Variants in NRG3 observed in about 807,000 individuals in gnomAD.
The protein encoded by NRG3 is pro-neuregulin-3, membrane-bound isoform.
Under a neutral mutation model 66.9 loss-of-function variants are expected in NRG3, and 31 were observed. The observed-to-expected ratio is 0.46, with a 90% confidence interval of 0.35 to 0.63. NRG3 has a LOEUF of 0.63. Among genes scored for constraint, NRG3 ranks in the 20% least tolerant of loss-of-function variants. The probability of loss-of-function intolerance (pLI) is 0.00; values close to 1 mark genes in which losing one functional copy is unlikely to be tolerated. For missense variants in NRG3, 910 were observed against 878.9 expected (o/e 1.04, Z -0.45); for synonymous variants, 393 against 359.4 (o/e 1.09, Z -1.06).
chr10:82,125,816 T>G (rs1187378239), intron 1 of NRG3, among the ~76,000 whole-genome samples: 1 of 152,060 alleles, frequency 6.6e-6, no homozygotes, highest in Non-Finnish European at 1.5e-5. Flanking sequence ...TTGTGTAATT[T>G]TCTTTATCTT....
intron 1 of NRG3, among the ~76,000 whole-genome samples, chr10:82,298,031 C>A (rs1423234533): frequency 6.6e-6 from 1 of 152,044 alleles, no homozygotes; most frequent in Non-Finnish European, 1.5e-5. Context: ...GTAGTCCCAA[C>A]TACTGGAGAG....
chr10:82,350,859 G>C (rs2083390375), intron 1 of NRG3, among the ~76,000 whole-genome samples: 1 of 151,748 alleles, frequency 6.6e-6, no homozygotes, highest in South Asian at 2.1e-4. Flanking sequence ...AATATGGAGA[G>C]CTCACATGTG....
chr10:82,695,097 A>C (rs2055268061), intron 2 of NRG3, among the ~76,000 whole-genome samples: 1 of 152,210 alleles, frequency 6.6e-6, no homozygotes, highest in African/African-American at 2.4e-5. Context: ...ATTTACATTA[A>C]AACTCATATG....
At chr10:82,858,419 C>T (rs1257226223) in intron 3 of NRG3, among the ~76,000 whole-genome samples, 1 of 152,142 alleles carries the variant, frequency 6.6e-6, no homozygotes, top group Non-Finnish European at 1.5e-5. Context: ...TGTCCATACT[C>T]TTATCTCGGA....
At chr10:82,133,539 A>G (rs2069095584) in intron 1 of NRG3, among the ~76,000 whole-genome samples, 1 of 152,130 alleles carries the variant, frequency 6.6e-6, no homozygotes, top group Admixed American at 6.6e-5. Flanking sequence ...GCATTAGTTT[A>G]CTGAGGACAG....
chr10:82,165,199 T>G (rs962046794), intron 1 of NRG3, among the ~76,000 whole-genome samples: 6 of 152,254 alleles, frequency 3.9e-5, no homozygotes, highest in African/African-American at 1.4e-4. Flanking sequence ...TTTCAATAAA[T>G]CTTGACAAAT....
At chr10:82,840,322 C>T (rs1231210856) in intron 3 of NRG3, among the ~76,000 whole-genome samples, 1 of 152,054 alleles carries the variant, frequency 6.6e-6, no homozygotes, top group African/African-American at 2.4e-5. Context: ...ATAATCTCAC[C>T]CTCCACCCCA....
chr10:81,908,115 C>T (rs1177101129), intron 1 of NRG3, among the ~76,000 whole-genome samples: 1 of 152,056 alleles, frequency 6.6e-6, no homozygotes, highest in Admixed American at 6.6e-5. Flanking sequence ...AAAAATGCAA[C>T]CTTAGGTATG....
chr10:82,265,467 A>C (rs1411317557), intron 1 of NRG3, among the ~76,000 whole-genome samples: 1 of 152,242 alleles, frequency 6.6e-6, no homozygotes, highest in Non-Finnish European at 1.5e-5. Flanking sequence ...GAGGTCAAGA[A>C]ACAACTAAAG....
chr10:82,493,731 G>A (rs971852498), intron 2 of NRG3, among the ~76,000 whole-genome samples: 5 of 152,116 alleles, frequency 3.3e-5, no homozygotes, highest in African/African-American at 1.2e-4. Context: ...TGCAGCAAAA[G>A]CAAAAATTGA....
chr10:82,225,710 T>C (rs1278711878), intron 1 of NRG3, among the ~76,000 whole-genome samples: 1 of 152,198 alleles, frequency 6.6e-6, no homozygotes, highest in Non-Finnish European at 1.5e-5. Flanking sequence ...TGCAAGGCAT[T>C]GAGTAAGGTC....
chr10:82,677,369 G>C (rs1591131381), intron 2 of NRG3, among the ~76,000 whole-genome samples: 1 of 152,194 alleles, frequency 6.6e-6, no homozygotes, highest in Admixed American at 6.5e-5. Context: ...AGTTTACATG[G>C]GGTGGTTGAA....
chr10:82,592,225 T>A (rs969580920), intron 2 of NRG3, among the ~76,000 whole-genome samples: 8 of 152,154 alleles, frequency 5.3e-5, no homozygotes, highest in Non-Finnish European at 1.2e-4. Context: ...AAGATAGGGG[T>A]TCTCTCCACA....
chr10:82,408,132 A>AAAGAAAGAAAGAAC (rs2087754703), intron 2 of NRG3, among the ~76,000 whole-genome samples: 1 of 113,564 alleles, frequency 8.8e-6, no homozygotes, highest in African/African-American at 3.7e-5. Context: ...AGAAAGAAAG[A>AAAGAAAGAAAGAAC]AAGAAAGAAA....
chr10:82,267,779 G>A (rs1334422492), intron 1 of NRG3, among the ~76,000 whole-genome samples: 1 of 152,156 alleles, frequency 6.6e-6, no homozygotes, highest in African/African-American at 2.4e-5. Flanking sequence ...ATGGTGAGGA[G>A]TGTGTAGGAC....
chr10:82,366,279 C>G (rs1483689946), intron 2 of NRG3, among the ~76,000 whole-genome samples: 1 of 152,124 alleles, frequency 6.6e-6, no homozygotes, highest in South Asian at 2.1e-4. Context: ...CCTTTATGCT[C>G]ATATTGAAGC....
At chr10:82,632,486 A>G (rs2133738588) in intron 2 of NRG3, among the ~76,000 whole-genome samples, 1 of 152,168 alleles carries the variant, frequency 6.6e-6, no homozygotes, top group African/African-American at 2.4e-5. Flanking sequence ...CTCATGTTTC[A>G]AGGATCAGCT....
intron 2 of NRG3, among the ~76,000 whole-genome samples, chr10:82,432,080 T>C (rs1279341655): frequency 1.3e-5 from 2 of 152,180 alleles, no homozygotes; most frequent in Non-Finnish European, 2.9e-5. Flanking sequence ...TTCATTCCTA[T>C]AGAGGGAGGT....
At chr10:82,951,726 G>A (rs746095942) in intron 5 of NRG3, among the ~76,000 whole-genome samples, 155 bp downstream of exon 5, 3 of 152,218 alleles carry the variant, frequency 2.0e-5, no homozygotes, top group African/African-American at 7.2e-5. Flanking sequence ...GTAAATTGTG[G>A]TGAGTGTGTA....
Sources: allele counts gnomAD v4.1 joint callset (sites outside exome capture counted in the v4.1 genomes callset), GRCh38; gene constraint gnomAD v4.1.1; transcripts MANE v1.5; gene names NCBI Gene and HGNC (gene_info 2026-07-23, HGNC 2026-07-21).